Variants in TTC23L observed in about 807,000 individuals in gnomAD.
TTC23L encodes the protein tetratricopeptide repeat domain 23 like, also known as tetratricopeptide repeat protein 23-like.
In TTC23L, 42 loss-of-function variants were observed where a neutral mutation model predicts 48.1. The observed-to-expected ratio is 0.87, with a 90% CI of 0.68 to 1.13. The LOEUF (loss-of-function observed/expected upper bound fraction) is 1.13, where lower values mean the gene tolerates loss of function less well. Ranked by LOEUF, TTC23L falls within the 50% of genes most tolerant of loss-of-function variation. The pLI, the probability that TTC23L is intolerant of heterozygous loss-of-function variation, is 0.00. For missense variants in TTC23L, 391 were observed against 421.0 expected, an observed-to-expected ratio of 0.93 and a Z score of 0.62; for synonymous variants, 159 against 157.2, an observed-to-expected ratio of 1.01 and a Z score of -0.09.
At chr5:34,862,631 ACCAC>A (rs1169581478) in intron 4 of TTC23L, among the ~76,000 whole-genome samples, 1 of 152,106 alleles carries the variant, frequency 6.6e-6, no homozygotes, top group Non-Finnish European at 1.5e-5. Context: ...CTGAATAAGA[ACCAC>A]TTGTGGTGCA....
At chr5:34,859,809 T>G (rs1760433478) in intron 4 of TTC23L, among the ~76,000 whole-genome samples, 1 of 150,964 alleles carries the variant, frequency 6.6e-6, no homozygotes, top group African/African-American at 2.4e-5. Context: ...TATACGTTTT[T>G]CTTTTTTTTC....
chr5:34,867,569 G>GAAAAC (rs1302243466), intron 7 of TTC23L: 1 of 162,874 alleles, frequency 6.1e-6, no homozygotes, highest in African/African-American at 2.4e-5. Flanking sequence ...ATGCCCGGGG[G>GAAAAC]AAAACAAAAC....
At chr5:34,865,741 C>T (rs780641532) in intron 6 of TTC23L, among the ~76,000 whole-genome samples, 1 of 152,184 alleles carries the variant, frequency 6.6e-6, no homozygotes, top group African/African-American at 2.4e-5. Context: ...CATTCTGCCA[C>T]TCAGGCTGGA....
intron 4 of TTC23L, among the ~76,000 whole-genome samples, chr5:34,853,840 C>A (rs1759889323): frequency 6.6e-6 from 1 of 152,150 alleles, no homozygotes; most frequent in African/African-American, 2.4e-5. Flanking sequence ...AGCCCAGATT[C>A]ACAGAGACTA....
the TTC23L span, among the ~76,000 whole-genome samples, chr5:34,910,228 A>G: frequency 0.017 from 2,617 of 152,240 alleles, 32 homozygotes; most frequent in Non-Finnish European, 0.025. Flanking sequence ...GAGATGAAAG[A>G]TACCATGGTC....
At chr5:34,853,439 G>C (rs986335596) in intron 4 of TTC23L, among the ~76,000 whole-genome samples, 5 of 152,168 alleles carry the variant, frequency 3.3e-5, no homozygotes, top group African/African-American at 1.2e-4. Context: ...GCTGAGGCAG[G>C]AGAATTGCTT....
At chr5:34,891,703 TGAACA>T (rs751684245) in intron 9 of TTC23L, among the ~76,000 whole-genome samples, 1 of 152,238 alleles carries the variant, frequency 6.6e-6, no homozygotes, top group Non-Finnish European at 1.5e-5. Flanking sequence ...TCCTCAAAAC[TGAACA>T]GAAGTTCTAC....
At chr5:34,911,434 G>T in the TTC23L span, 1 of 1,228,866 alleles carries the variant, frequency 8.1e-7, no homozygotes, top group Non-Finnish European at 1.1e-6. Flanking sequence ...AGTACAAGCT[G>T]TCTAAAGTTG....
the TTC23L span, chr5:34,916,187 T>G: frequency 4.2e-5 from 11 of 260,646 alleles, no homozygotes; most frequent in South Asian, 1.1e-4. Context: ...GTTCAGTTGT[T>G]TTTTTTTTTT....
intron 9 of TTC23L, among the ~76,000 whole-genome samples, chr5:34,888,844 A>C (rs1214557174): frequency 1.3e-5 from 2 of 152,222 alleles, no homozygotes; most frequent in Non-Finnish European, 2.9e-5. Flanking sequence ...ACAGTGTGAT[A>C]GTTATGATAT....
downstream of TTC23L, among the ~76,000 whole-genome samples, chr5:34,900,500 A>C (rs1424869480): frequency 7.3e-6 from 1 of 137,462 alleles, no homozygotes; most frequent in Non-Finnish European, 1.6e-5. Flanking sequence ...GACCCTGTTC[A>C]AAAAAAAAAA....
chr5:34,915,518 C>T, the TTC23L span: 1 of 494,782 alleles, frequency 2.0e-6, no homozygotes, highest in Non-Finnish European at 3.5e-6. Context: ...GCCAGTCCCG[C>T]CACTCTTCAG....
chr5:34,925,427 A>G, the TTC23L span: 1 of 1,614,032 alleles, frequency 6.2e-7, no homozygotes, highest in African/African-American at 1.3e-5. Context: ...TTTGAAAGCA[A>G]GAAAGAAACG....
downstream of TTC23L, among the ~76,000 whole-genome samples, chr5:34,901,241 A>C (rs756612872): frequency 6.6e-6 from 1 of 152,200 alleles, no homozygotes; most frequent in South Asian, 2.1e-4. Flanking sequence ...AAAAACTTCC[A>C]ATGTATTTAT....
At chr5:34,907,471 G>A in the TTC23L span, 6 of 152,074 alleles carry the variant, frequency 3.9e-5, no homozygotes, top group Non-Finnish European at 7.4e-5. Flanking sequence ...AAAGACAGAA[G>A]CTTCACTTTA....
intron 2 of TTC23L, among the ~76,000 whole-genome samples, chr5:34,843,157 A>G (rs1758829324): frequency 6.6e-6 from 1 of 152,214 alleles, no homozygotes; most frequent in East Asian, 1.9e-4. Flanking sequence ...TAAGGGTTAT[A>G]TGACTATAAA....
At chr5:34,905,681 A>G in the TTC23L span, 16 of 152,332 alleles carry the variant, frequency 1.1e-4, no homozygotes, top group East Asian at 2.9e-3. Flanking sequence ...GTCTTTAAAT[A>G]TAAGACTGTA....
chr5:34,908,945 G>GT, the TTC23L span: 2 of 1,603,592 alleles, frequency 1.2e-6, no homozygotes, highest in Non-Finnish European at 1.7e-6. Flanking sequence ...AGGAAATCTT[G>GT]TATCTGTAGA....
intron 2 of TTC23L, among the ~76,000 whole-genome samples, chr5:34,844,110 A>G (rs950707886): frequency 3.9e-5 from 6 of 152,194 alleles, no homozygotes; most frequent in Admixed American, 3.9e-4. Context: ...TCGAAGGAGG[A>G]GTATGGAATT....
Sources: allele counts gnomAD v4.1 joint callset (sites outside exome capture counted in the v4.1 genomes callset), GRCh38; gene constraint gnomAD v4.1.1; transcripts MANE v1.5; gene names NCBI Gene and HGNC (gene_info 2026-07-23, HGNC 2026-07-21).